Variants in WDFY3 observed in about 807,000 individuals in gnomAD.
The protein encoded by WDFY3 is WD repeat and FYVE domain-containing protein 3.
WDFY3 carries 66 observed loss-of-function variants against 409.6 expected under a neutral mutation model. That is an observed-to-expected ratio of 0.16 (90% CI 0.13 to 0.20). The LOEUF (loss-of-function observed/expected upper bound fraction) is 0.20. Among genes scored for constraint, WDFY3 ranks in the 10% least tolerant of loss-of-function variants. WDFY3 has a pLI of 1.00. For missense variants in WDFY3, 3,031 were observed against 4,298.1 expected, an observed-to-expected ratio of 0.71 and a Z score of 8.24; for synonymous variants, 1,521 against 1,537.1, an observed-to-expected ratio of 0.99 and a Z score of 0.25.
chr4:84,694,316 T>C (rs987719497), intron 58 of WDFY3, among the ~76,000 whole-genome samples: 2 of 152,178 alleles, frequency 1.3e-5, no homozygotes, highest in East Asian at 3.9e-4. Context: ...TAATGATGTA[T>C]GGAGATGATG....
chr4:84,726,613 C>T (rs11947655), intron 45 of WDFY3, among the ~76,000 whole-genome samples: 49 of 152,132 alleles, frequency 3.2e-4, no homozygotes, highest in African/African-American at 1.2e-3. Flanking sequence ...GCAGTGAAAA[C>T]TCAGTCTGTT....
At chr4:84,923,265 A>G (rs1294709705) in intron 2 of WDFY3, among the ~76,000 whole-genome samples, 15 of 152,232 alleles carry the variant, frequency 9.9e-5, no homozygotes, top group Admixed American at 9.8e-4. Flanking sequence ...CAAAGAAAAC[A>G]GCATTCTTAT....
At chr4:84,921,308 A>G (rs2150859414) in intron 2 of WDFY3, among the ~76,000 whole-genome samples, 1 of 152,274 alleles carries the variant, frequency 6.6e-6, no homozygotes, top group Non-Finnish European at 1.5e-5. Flanking sequence ...CATAGAAGGG[A>G]AAAGAAATTT....
chr4:84,736,426 A>T, intron 41 of WDFY3, 99 bp from the exon 42 acceptor site: 15 of 1,114,912 alleles, frequency 1.3e-5, no homozygotes, highest in South Asian at 7.2e-5. Context: ...CCCTGTAGTT[A>T]ACAAAAGTAG....
intron 2 of WDFY3, among the ~76,000 whole-genome samples, chr4:84,908,448 T>C (rs1399552560): frequency 1.3e-5 from 2 of 152,204 alleles, no homozygotes; most frequent in African/African-American, 4.8e-5. Flanking sequence ...TCTTTATTGG[T>C]ATACATGGCA....
chr4:84,716,028 T>C (rs894194001), intron 49 of WDFY3, among the ~76,000 whole-genome samples: 1 of 152,000 alleles, frequency 6.6e-6, no homozygotes, highest in Admixed American at 6.6e-5. Flanking sequence ...GAAAGATGGA[T>C]AACAAAGATA....
At chr4:84,812,086 T>C (rs1193970342) in intron 13 of WDFY3, among the ~76,000 whole-genome samples, 6 of 152,188 alleles carry the variant, frequency 3.9e-5, no homozygotes, top group Non-Finnish European at 7.3e-5. Context: ...AGTCACCTTT[T>C]GACATATACT....
chr4:84,686,527 A>G (rs1319151976), intron 62 of WDFY3, among the ~76,000 whole-genome samples: 1 of 152,202 alleles, frequency 6.6e-6, no homozygotes, highest in Non-Finnish European at 1.5e-5. Context: ...AATACTGAGT[A>G]ACTTCTGGTA....
chr4:84,926,391 AT>A (rs1352269135), intron 2 of WDFY3, among the ~76,000 whole-genome samples: 1 of 151,934 alleles, frequency 6.6e-6, no homozygotes, highest in Non-Finnish European at 1.5e-5. Flanking sequence ...AGAAAATTGA[AT>A]TAGATTTTAA....
chr4:84,798,211 T>A, intron 17 of WDFY3, 103 bp from the exon 18 acceptor site: 3 of 1,015,368 alleles, frequency 3.0e-6, no homozygotes, highest in African/African-American at 1.6e-5. Flanking sequence ...ACAGACTAAT[T>A]ACAATAAAAA....
At chr4:84,955,417 A>G (rs1320108151) in intron 1 of WDFY3, among the ~76,000 whole-genome samples, 1 of 152,176 alleles carries the variant, frequency 6.6e-6, no homozygotes, top group Non-Finnish European at 1.5e-5. Flanking sequence ...CAGGGAAGAA[A>G]CATACCCTGG....
chr4:84,758,573 C>A (rs997386070), intron 32 of WDFY3, among the ~76,000 whole-genome samples: 5 of 152,058 alleles, frequency 3.3e-5, no homozygotes, highest in African/African-American at 9.7e-5. Flanking sequence ...TTTTCAACTT[C>A]TTTTTTTCTG....
chr4:84,863,883 C>T (rs552200161), intron 3 of WDFY3, among the ~76,000 whole-genome samples: 1 of 152,220 alleles, frequency 6.6e-6, no homozygotes, highest in African/African-American at 2.4e-5. Flanking sequence ...TGTCTCTATT[C>T]CATTTCATTG....
chr4:84,755,124 T>A, intron 34 of WDFY3, 142 bp downstream of exon 34: 1 of 1,218,386 alleles, frequency 8.2e-7, no homozygotes, highest in Non-Finnish European at 1.1e-6. Flanking sequence ...TTAGATATAA[T>A]TTTGTCTAAC....
chr4:84,800,753 A>G (rs1310193083), intron 17 of WDFY3, among the ~76,000 whole-genome samples: 1 of 152,140 alleles, frequency 6.6e-6, no homozygotes, highest in Non-Finnish European at 1.5e-5. Flanking sequence ...ATCAGGTATT[A>G]GATTATTTAG....
At chr4:84,824,032 A>T (rs1168562834) in intron 10 of WDFY3, among the ~76,000 whole-genome samples, 1 of 152,182 alleles carries the variant, frequency 6.6e-6, no homozygotes, top group African/African-American at 2.4e-5. Flanking sequence ...ACTGGTGAAG[A>T]GATACACAAA....
At chr4:84,758,045 T>C (rs1741754552) in intron 32 of WDFY3, among the ~76,000 whole-genome samples, 1 of 152,168 alleles carries the variant, frequency 6.6e-6, no homozygotes, top group African/African-American at 2.4e-5. Flanking sequence ...GGCATCAGTG[T>C]TTCCATCAAT....
intron 1 of WDFY3, among the ~76,000 whole-genome samples, chr4:84,961,685 A>G (rs971507544): frequency 6.6e-6 from 1 of 152,168 alleles, no homozygotes; most frequent in Non-Finnish European, 1.5e-5. Flanking sequence ...ATCTATCATA[A>G]ACTTTCTATA....
In WDFY3 at chr4:84,881,829, T is replaced by C. The variant is rs113169778; in HGVS notation, c.-32+15082A>G. Among the ~76,000 whole-genome samples, 645 of 151,390 alleles carry C rather than the reference T, an allele frequency of 4.3e-3. 2 individuals are homozygous for C. Among genetic ancestry groups the C allele is most frequent in the African/African-American group, 0.014 (562 of 41,236 alleles). ...GCGGTGCGTGAAGGATGCAGTGAGC[T>C]GAGATTGTGCCACTGTACTCCAGCC... On this transcript the variant is annotated intron_variant, in intron 3 of 67. Coordinates refer to ENST00000295888, the MANE Select transcript of WDFY3 (RefSeq NM_014991.6).
Sources: allele counts gnomAD v4.1 joint callset (sites outside exome capture counted in the v4.1 genomes callset), GRCh38; gene constraint gnomAD v4.1.1; transcripts MANE v1.5; gene names NCBI Gene and HGNC (gene_info 2026-07-23, HGNC 2026-07-21).